Variants in ROBO2 observed in about 807,000 individuals in gnomAD.
ROBO2 encodes roundabout homolog 2.
A neutral mutation model predicts 160.8 loss-of-function variants in ROBO2; 53 were observed. That is an observed-to-expected ratio of 0.33 (90% CI 0.26 to 0.41). The LOEUF (loss-of-function observed/expected upper bound fraction) is 0.41, where lower values mean the gene tolerates loss of function less well. ROBO2 is among the 10% of genes least tolerant of loss of function. The pLI, the probability that ROBO2 is intolerant of heterozygous loss-of-function variation, is 1.00. For synonymous variants in ROBO2, 664 were observed against 611.7 expected, an observed-to-expected ratio of 1.09 and a Z score of -1.26; for missense variants, 1,577 against 1,722.4, an observed-to-expected ratio of 0.92 and a Z score of 1.49.
At chr3:77,198,313 T>C (rs2082495488) in intron 2 of ROBO2, among the ~76,000 whole-genome samples, 1 of 152,026 alleles carries the variant, frequency 6.6e-6, no homozygotes, top group Non-Finnish European at 1.5e-5. Flanking sequence ...AACATTTAAG[T>C]TGAAACTCAA....
chr3:76,407,729 T>C (rs1356542199), intron 2 of ROBO2, among the ~76,000 whole-genome samples: 1 of 152,030 alleles, frequency 6.6e-6, no homozygotes, highest in African/African-American at 2.4e-5. Flanking sequence ...TATACATACA[T>C]ACAAACATAG....
intron 2 of ROBO2, among the ~76,000 whole-genome samples, chr3:76,281,181 T>A (rs1293690039): frequency 1.3e-5 from 2 of 151,706 alleles, no homozygotes; most frequent in East Asian, 1.9e-4. Flanking sequence ...CATGTGGGAA[T>A]ACTACCAATT....
At chr3:77,038,730 C>G (rs1434170633), upstream of ROBO2, among the ~76,000 whole-genome samples, 1 of 152,224 alleles carries the variant, frequency 6.6e-6, no homozygotes, top group Non-Finnish European at 1.5e-5. Flanking sequence ...ACCGCCGACA[C>G]CGGCACCCCT....
At chr3:76,400,089 A>C (rs958650808) in intron 2 of ROBO2, among the ~76,000 whole-genome samples, 1 of 151,706 alleles carries the variant, frequency 6.6e-6, no homozygotes, top group Non-Finnish European at 1.5e-5. Flanking sequence ...CTTGAAAACA[A>C]ACTTTCATTT....
intron 1 of ROBO2, among the ~76,000 whole-genome samples, chr3:75,920,114 C>A (rs767222730): frequency 6.6e-6 from 1 of 150,690 alleles, no homozygotes; most frequent in Non-Finnish European, 1.5e-5. Flanking sequence ...CTTTTGATTG[C>A]GATGTTAGGG....
At chr3:76,974,959 T>C (rs770137152) in intron 2 of ROBO2, among the ~76,000 whole-genome samples, 6 of 152,024 alleles carry the variant, frequency 3.9e-5, no homozygotes, top group Non-Finnish European at 8.8e-5. Context: ...TCCTTTTGAA[T>C]TAAAAAAAAA....
intron 5 of ROBO2, among the ~76,000 whole-genome samples, chr3:77,515,300 C>G (rs1417289820): frequency 6.6e-6 from 1 of 151,616 alleles, no homozygotes; most frequent in East Asian, 1.9e-4. Context: ...ACAGTAGTGT[C>G]TGCATGGTGT....
chr3:76,348,947 T>G (rs1356799625), intron 2 of ROBO2, among the ~76,000 whole-genome samples: 1 of 152,160 alleles, frequency 6.6e-6, no homozygotes, highest in East Asian at 1.9e-4. Flanking sequence ...TTAAAGCAGC[T>G]TAAGTCACGG....
At chr3:76,178,917 G>A (rs2073328025) in intron 2 of ROBO2, among the ~76,000 whole-genome samples, 1 of 151,778 alleles carries the variant, frequency 6.6e-6, no homozygotes, top group Admixed American at 6.6e-5. Flanking sequence ...CTCCAGCCAG[G>A]GAAACAAGAG....
chr3:75,957,072 A>G (rs1381194248), intron 2 of ROBO2, among the ~76,000 whole-genome samples: 2 of 151,672 alleles, frequency 1.3e-5, no homozygotes, highest in African/African-American at 4.8e-5. Flanking sequence ...ATTTTATGAT[A>G]GTGTTGCTTA....
intron 2 of ROBO2, among the ~76,000 whole-genome samples, chr3:77,134,831 A>G (rs1345412055): frequency 1.3e-5 from 2 of 152,244 alleles, no homozygotes; most frequent in Non-Finnish European, 2.9e-5. Context: ...CTATCCAGCC[A>G]GGACTCATAA....
intron 2 of ROBO2, among the ~76,000 whole-genome samples, chr3:77,320,008 C>T (rs1484300234): frequency 1.3e-5 from 2 of 152,078 alleles, no homozygotes; most frequent in East Asian, 1.9e-4. Flanking sequence ...CTGAACAATT[C>T]GAAATTTATC....
Position 77,186,612 on chromosome 3 carries a change from A to C in ROBO2, c.388+88272A>C, listed in dbSNP as rs192791419. The stretch of plus-strand genomic sequence containing the variant: ...AACTAAGGATGTTGATTTTTCCCCC[A>C]TATTGAGAGAATTGCTTTTAATAGT... On this transcript the variant is annotated intron_variant, in intron 2 of 25. Transcript: ENST00000461745. Among the ~76,000 whole-genome samples, 110 of 152,066 alleles carry C rather than the reference A, an allele frequency of 7.2e-4. 1 individual carries two copies. Among genetic ancestry groups the C allele is most frequent in the Admixed American group, 3.3e-4 (5 of 15,222 alleles).
chr3:76,534,982 C>T (rs1210219034), intron 2 of ROBO2, among the ~76,000 whole-genome samples: 2 of 151,894 alleles, frequency 1.3e-5, no homozygotes, highest in Non-Finnish European at 2.9e-5. Context: ...TGAGAGAGGG[C>T]CTGACCAAAG....
At position 76,773,502 on chromosome 3, in the gene ROBO2, T is replaced by C. The variant is rs964983076; in HGVS notation, c.110-324512T>C. 2.0e-5 allele frequency among the ~76,000 whole-genome samples: 3 copies of C among 150,972 alleles called. No homozygotes were observed. In the Admixed American group the frequency reaches 2.0e-4, roughly 10 times the overall value. ...CCTGCTTCTTCATTAACATATGTCA[T>C]TCCTGAGTCATTATTTGGATCTCAC... On this transcript the variant is annotated intron_variant, in intron 2 of 26. Coordinates refer to the ROBO2 transcript ENST00000487694.
intron 1 of ROBO2, among the ~76,000 whole-genome samples, chr3:75,920,822 G>A (rs1947010836): frequency 6.6e-6 from 1 of 151,338 alleles, no homozygotes; most frequent in African/African-American, 2.4e-5. Context: ...TTCAAAGTCT[G>A]TTTTATTAGA....
intron 2 of ROBO2, among the ~76,000 whole-genome samples, chr3:76,038,069 T>G (rs1559856896): frequency 6.6e-6 from 1 of 152,054 alleles, no homozygotes; most frequent in Non-Finnish European, 1.5e-5. Flanking sequence ...TGACCTCATT[T>G]GTATTTTTAG....
At chr3:76,225,290 C>T (rs915304088) in intron 2 of ROBO2, among the ~76,000 whole-genome samples, 4 of 152,098 alleles carry the variant, frequency 2.6e-5, no homozygotes, top group African/African-American at 4.8e-5. Context: ...AAATTTACAC[C>T]AATGTCAATG....
intron 2 of ROBO2, among the ~76,000 whole-genome samples, chr3:76,338,364 T>C (rs1227327639): frequency 6.6e-6 from 1 of 152,166 alleles, no homozygotes; most frequent in African/African-American, 2.4e-5. Flanking sequence ...CACACTTACT[T>C]TGGTTAGTCA....
Sources: gnomAD v4.1 joint callset for allele counts (sites outside exome capture counted in the v4.1 genomes callset) on GRCh38, gnomAD v4.1.1 for gene constraint, MANE v1.5 for transcripts, NCBI Gene and HGNC (gene_info 2026-07-23, HGNC 2026-07-21) for gene names.